PCDHGA3: variants seen among roughly 807,000 people sequenced by gnomAD.
PCDHGA3 encodes protocadherin gamma subfamily A, 3.
Under a neutral mutation model 58.5 loss-of-function variants are expected in PCDHGA3, and 40 were observed. The ratio of observed to expected loss-of-function variants is 0.68; its 90% confidence interval spans 0.53 to 0.89. The LOEUF (loss-of-function observed/expected upper bound fraction) is 0.89. Among genes scored for constraint, PCDHGA3 ranks in the 40% least tolerant of loss-of-function variants. The pLI is 0.00. For synonymous variants in PCDHGA3, 530 were observed against 525.7 expected, an observed-to-expected ratio of 1.01 and a Z score of -0.11; for missense variants, 1,223 against 1,195.9, an observed-to-expected ratio of 1.02 and a Z score of -0.33.
chr5:141,357,189 T>A, intron 1 of PCDHGA3: 1 of 1,613,760 alleles, frequency 6.2e-7, no homozygotes, highest in Non-Finnish European at 8.5e-7. Context: ...TCACTGTGGC[T>A]GTGGCCGACA....
chr5:141,351,930 G>A, intron 1 of PCDHGA3: 14 of 1,613,296 alleles, frequency 8.7e-6, no homozygotes, highest in Non-Finnish European at 1.1e-5. Context: ...AATGCGCCAC[G>A]GGTGCTGTAC....
intron 1 of PCDHGA3, chr5:141,350,155 G>T: frequency 1.0e-6 from 1 of 998,930 alleles, no homozygotes; most frequent in Non-Finnish European, 1.4e-6. Context: ...TCACCCTCGA[G>T]CGCCTAACTA....
At chr5:141,394,915 C>T in intron 1 of PCDHGA3, 1 of 1,613,774 alleles carries the variant, frequency 6.2e-7, no homozygotes, top group Non-Finnish European at 8.5e-7. Flanking sequence ...GCTGCCATCT[C>T]CTGTGTCTTC....
At chr5:141,372,788 TA>T in intron 1 of PCDHGA3, 1 of 1,603,576 alleles carries the variant, frequency 6.2e-7, no homozygotes, top group Admixed American at 1.7e-5. Context: ...AAATGCCTTC[TA>T]ATTCAGGCAA....
chr5:141,374,959 C>T, intron 1 of PCDHGA3: 1 of 1,614,014 alleles, frequency 6.2e-7, no homozygotes, highest in Non-Finnish European at 8.5e-7. Context: ...CACAAATTTT[C>T]TGTTTGAATG....
chr5:141,368,344 T>C (rs1052881289), intron 1 of PCDHGA3, among the ~76,000 whole-genome samples: 5 of 152,060 alleles, frequency 3.3e-5, no homozygotes, highest in African/African-American at 7.2e-5. Context: ...TATATACATA[T>C]ACACACACAT....
chr5:141,369,156 A>C lies in PCDHGA3; in HGVS notation c.2424+22699A>C, dbSNP rs534244995. ...CATGGAAAATGGCATGTTATTGACC[A>C]GGGAAAAGTGTAAATAACAAAAAGT... On this transcript the variant is annotated intron_variant, in intron 1 of 3. Coordinates refer to ENST00000253812, the MANE Select transcript of PCDHGA3 (RefSeq NM_018916.4). Among the ~76,000 whole-genome samples the C allele has an allele frequency of 1.4e-3, 215 of 152,354 alleles. 2 individuals carry two copies. Among genetic ancestry groups the C allele is most frequent in the Non-Finnish European group, 4.6e-4 (31 of 68,032 alleles).
At chr5:141,364,493 G>C in intron 1 of PCDHGA3, 2 of 1,614,018 alleles carry the variant, frequency 1.2e-6, no homozygotes, top group Non-Finnish European at 1.7e-6. Context: ...CCTTGGGCTG[G>C]AGCCCCAGGA....
Position 141,431,354 on chromosome 5 carries a change from G to A in PCDHGA3, c.2425-63453G>A, listed in dbSNP as rs777198567. On this transcript the variant is annotated intron_variant, in intron 1 of 3. Coordinates refer to ENST00000253812, the MANE Select transcript of PCDHGA3 (RefSeq NM_018916.4). This position sits in a 1 kb window ranked among gnomAD's most constrained non-coding sequence, Gnocchi z 4.8. ...GTACCCCGAATTGGTGCTGAAACGC[G>A]CCCTGGACCGCGAAGAAAAGGCTGC... is the stretch of plus-strand genomic sequence containing the variant. 1 of 1,614,036 alleles carries A rather than the reference G, an allele frequency of 6.2e-7. No homozygotes were observed. Among genetic ancestry groups the A allele is most frequent in the South Asian group, 1.1e-5 (1 of 91,086 alleles).
At chr5:141,360,153 G>T in intron 1 of PCDHGA3, 2 of 1,604,018 alleles carry the variant, frequency 1.2e-6, no homozygotes, top group Non-Finnish European at 1.7e-6. Context: ...CGAGCTCAGG[G>T]AGGTGCGGGC....
At chr5:141,404,806 G>T (rs774487660) in intron 1 of PCDHGA3, 2 of 1,613,992 alleles carry the variant, frequency 1.2e-6, no homozygotes, top group South Asian at 1.1e-5. Context: ...GGCTCTTCTC[G>T]GTGGGGCTGC....
chr5:141,398,578 A>C (rs370163028), intron 1 of PCDHGA3: 29 of 1,613,942 alleles, frequency 1.8e-5, no homozygotes, highest in Admixed American at 3.3e-5. Context: ...GCCTGGCACA[A>C]GATTTATACT....
chr5:141,487,822 G>C lies in PCDHGA3; in HGVS notation c.2425-6985G>C. On this transcript the variant is annotated intron_variant, in intron 1 of 3. Coordinates refer to ENST00000253812, the MANE Select transcript of PCDHGA3 (RefSeq NM_018916.4). The surrounding 1 kb of genome is among the most constrained non-coding windows in gnomAD (Gnocchi z 5.0). ...TGTCACAGTTTAGCATTGGGGGCGGGTCATGCCTATATCTGAGTAAGAAAT... is the reference window on the plus strand; with the variant it reads ...TGTCACAGTTTAGCATTGGGGGCGGCTCATGCCTATATCTGAGTAAGAAAT... 1 of 1,278,758 alleles carries C rather than the reference G, an allele frequency of 7.8e-7. No individual in the cohort carries two copies. The highest frequency in any genetic ancestry group is 1.4e-5 in the South Asian group (1 of 69,172). The allele number at this position is 1,278,758 out of a possible 1,614,324, so 79.2% of individuals were successfully genotyped here. A position where few individuals can be genotyped will look rare whatever the true frequency, so the allele number is the denominator to read the frequency against.
chr5:141,457,020 C>A (rs2098903789), intron 1 of PCDHGA3, among the ~76,000 whole-genome samples: 1 of 152,086 alleles, frequency 6.6e-6, no homozygotes, highest in Non-Finnish European at 1.5e-5. Flanking sequence ...AATAAAAAGT[C>A]CTAGTAGACT....
intron 1 of PCDHGA3, chr5:141,383,374 G>A (rs911594122): frequency 6.2e-7 from 1 of 1,614,028 alleles, no homozygotes; most frequent in Non-Finnish European, 8.5e-7. Flanking sequence ...CGAGGCTGGG[G>A]ATCCAGATGT....
At chr5:141,428,606 A>G (rs1270096118) in intron 1 of PCDHGA3, 4 of 216,044 alleles carry the variant, frequency 1.9e-5, no homozygotes, top group Admixed American at 1.6e-4. Context: ...TTCACTGAAG[A>G]GAATAACAAG....
intron 1 of PCDHGA3, chr5:141,403,237 CTG>C (rs1436614562): frequency 1.2e-6 from 2 of 1,613,942 alleles, no homozygotes; most frequent in Admixed American, 1.7e-5. Flanking sequence ...GGGAGGAGCT[CTG>C]TGCTCAGAGC....
At chr5:141,393,683 G>C (rs370409157) in intron 1 of PCDHGA3, 2 of 1,613,850 alleles carry the variant, frequency 1.2e-6, no homozygotes, top group East Asian at 4.5e-5. Flanking sequence ...AACAAACTCC[G>C]TTATTCCAGC....
chr5:141,405,120 A>G (rs1223444295), intron 1 of PCDHGA3: 2 of 1,613,938 alleles, frequency 1.2e-6, no homozygotes, highest in Non-Finnish European at 1.7e-6. Context: ...CACTCCTCGC[A>G]TCTGCTGCGG....
Sources: allele counts gnomAD v4.1 joint callset (sites outside exome capture counted in the v4.1 genomes callset), GRCh38; gene constraint gnomAD v4.1.1; non-coding constraint Gnocchi (gnomAD v3.1); transcripts MANE v1.5; gene names NCBI Gene and HGNC (gene_info 2026-07-23, HGNC 2026-07-21).